Variants in NTNG1 observed in about 807,000 individuals in gnomAD.
NTNG1 encodes the protein netrin-G1.
Under a neutral mutation model 54.0 loss-of-function variants are expected in NTNG1, and 16 were observed. The ratio of observed to expected loss-of-function variants is 0.30; its 90% CI spans 0.20 to 0.45. The LOEUF (loss-of-function observed/expected upper bound fraction) is 0.45, where lower values mean the gene tolerates loss of function less well. Ranked by LOEUF, NTNG1 falls within the 20% of genes least tolerant of loss-of-function variation. The pLI is 1.00. For missense variants in NTNG1, 530 were observed against 678.7 expected (o/e 0.78, Z 2.43); for synonymous variants, 255 against 263.1 (o/e 0.97, Z 0.30).
intron 2 of NTNG1, among the ~76,000 whole-genome samples, chr1:107,297,088 C>A (rs1444841643): frequency 4.7e-5 from 2 of 42,294 alleles, no homozygotes; most frequent in Non-Finnish European, 5.8e-5. Context: ...CAGATGAGGA[C>A]ACACACACAC....
At chr1:107,381,339 C>G (rs139862121) in intron 3 of NTNG1, among the ~76,000 whole-genome samples, 1 of 87,402 alleles carries the variant, frequency 1.1e-5, no homozygotes, top group Non-Finnish European at 2.0e-5. Context: ...TAGCACCTTT[C>G]TCTTTAACTA....
chr1:107,388,974 C>T (rs1157429596), intron 3 of NTNG1, among the ~76,000 whole-genome samples: 1 of 152,188 alleles, frequency 6.6e-6, no homozygotes, highest in Non-Finnish European at 1.5e-5. Flanking sequence ...AGTGCCAATC[C>T]AAGGGAAGAG....
At chr1:107,157,372 G>C (rs1278450819) in intron 2 of NTNG1, among the ~76,000 whole-genome samples, 5 of 152,016 alleles carry the variant, frequency 3.3e-5, no homozygotes, top group Non-Finnish European at 5.9e-5. Context: ...TTCTTGATTG[G>C]TGTTGTCAAA....
chr1:107,152,271 A>G (rs1489960958), intron 2 of NTNG1, among the ~76,000 whole-genome samples: 1 of 152,110 alleles, frequency 6.6e-6, no homozygotes, highest in Non-Finnish European at 1.5e-5. Flanking sequence ...AATAGATCCT[A>G]TCTTTTCAGC....
chr1:107,281,279 A>C (rs991874439), intron 2 of NTNG1, among the ~76,000 whole-genome samples: 8 of 152,174 alleles, frequency 5.3e-5, no homozygotes, highest in African/African-American at 1.9e-4. Flanking sequence ...GAGTGAGGAC[A>C]TGAATGACCA....
intron 2 of NTNG1, among the ~76,000 whole-genome samples, chr1:107,198,435 T>A (rs978471691): frequency 1.3e-5 from 2 of 151,982 alleles, no homozygotes; most frequent in African/African-American, 2.4e-5. Context: ...AAAAACTGTA[T>A]CCTTATCTCC....
intron 2 of NTNG1, among the ~76,000 whole-genome samples, chr1:107,155,317 G>A (rs530169792): frequency 1.3e-4 from 20 of 151,940 alleles, no homozygotes; most frequent in African/African-American, 4.6e-4. Flanking sequence ...GGCATAGTCC[G>A]TGCTCTTCTC....
intron 2 of NTNG1, among the ~76,000 whole-genome samples, chr1:107,266,404 T>A (rs573636965): frequency 6.6e-6 from 1 of 152,122 alleles, no homozygotes; most frequent in African/African-American, 2.4e-5. Flanking sequence ...GATTCAGGCA[T>A]GTCTTACATG....
intron 6 of NTNG1, among the ~76,000 whole-genome samples, chr1:107,431,205 A>G (rs1675244005): frequency 6.6e-6 from 1 of 152,092 alleles, no homozygotes; most frequent in Admixed American, 6.6e-5. Flanking sequence ...CTTTTGTATG[A>G]AATTGTAAAA....
intron 2 of NTNG1, among the ~76,000 whole-genome samples, chr1:107,196,179 C>T (rs1004152361): frequency 4.6e-5 from 7 of 151,860 alleles, no homozygotes; most frequent in Non-Finnish European, 8.8e-5. Context: ...ACGTAGCAGT[C>T]ACTGACTCTT....
At chr1:107,253,991 G>A (rs1662774761) in intron 2 of NTNG1, among the ~76,000 whole-genome samples, 2 of 152,310 alleles carry the variant, frequency 1.3e-5, no homozygotes, top group African/African-American at 4.8e-5. Flanking sequence ...TGTTTGTGTA[G>A]TATGTTCGTT....
intron 3 of NTNG1, among the ~76,000 whole-genome samples, chr1:107,391,326 AT>A (rs1253166730): frequency 2.0e-5 from 3 of 152,292 alleles, no homozygotes; most frequent in African/African-American, 7.2e-5. Context: ...GTGTAAAAAA[AT>A]ATTTGGACTA....
chr1:107,305,696 T>C (rs1294990093), intron 2 of NTNG1, among the ~76,000 whole-genome samples: 1 of 152,172 alleles, frequency 6.6e-6, no homozygotes, highest in Non-Finnish European at 1.5e-5. Flanking sequence ...AGGTTGCCTG[T>C]TCACTCTGAT....
chr1:107,140,424 T>C (rs1273757147), upstream of NTNG1, among the ~76,000 whole-genome samples: 1 of 151,870 alleles, frequency 6.6e-6, no homozygotes, highest in East Asian at 1.9e-4. Context: ...CGGGAGCCGC[T>C]GGTGGGGGCG....
rs1325295579 is a variant in NTNG1, at chr1:107,438,132, A to G, written c.1390+1333A>G. Among the ~76,000 whole-genome samples, 3 of 152,144 alleles carry G rather than the reference A, an allele frequency of 2.0e-5. No homozygotes were observed. The South Asian group carries it at 6.2e-4, about 32-fold the overall frequency. On this transcript the variant is annotated intron_variant, in intron 7 of 7. Coordinates refer to ENST00000370068, the MANE Select transcript of NTNG1 (RefSeq NM_001113226.3). Reference sequence around the variant, plus strand: ...ATGTTCTATCTGTTACTTATGGAATACATAGTTATCTGGCAGCCACACTTC... The same window carrying G: ...ATGTTCTATCTGTTACTTATGGAATGCATAGTTATCTGGCAGCCACACTTC...
intron 7 of NTNG1, among the ~76,000 whole-genome samples, chr1:107,454,274 T>A (rs560654024): frequency 2.0e-5 from 3 of 152,314 alleles, no homozygotes; most frequent in Admixed American, 2.0e-4. Flanking sequence ...CAAATGTTTG[T>A]TCACTGCCCT....
rs556173709 is a variant in NTNG1, at chr1:107,483,606, T to C, written c.*2766T>C. ...CTTACAAAGCTGGTTTCATCTACAATGTTGTGCCCTAAGAACAGGACTGGG... is the reference window on the plus strand; with the variant it reads ...CTTACAAAGCTGGTTTCATCTACAACGTTGTGCCCTAAGAACAGGACTGGG... On this transcript the variant is annotated 3_prime_UTR_variant, in exon 8 of 8. Transcript: ENST00000370068. The C allele has an allele frequency of 2.0e-5, 3 of 152,324 alleles. No individual in the cohort carries two copies. Among genetic ancestry groups the C allele is most frequent in the African/African-American group, 7.2e-5 (3 of 41,584 alleles). The allele number at this position is 152,324 out of a possible 1,614,324, so 9.4% of individuals were successfully genotyped here. A position where few individuals can be genotyped will look rare whatever the true frequency, so the allele number is the denominator to read the frequency against.
At chr1:107,211,186 A>G (rs1373088620) in intron 2 of NTNG1, among the ~76,000 whole-genome samples, 6 of 152,158 alleles carry the variant, frequency 3.9e-5, no homozygotes, top group Non-Finnish European at 5.9e-5. Context: ...GAAGCATCAT[A>G]TAAGTCAGTT....
intron 5 of NTNG1, chr1:107,410,381 A>T (rs939353133): frequency 4.6e-5 from 7 of 152,154 alleles, no homozygotes; most frequent in Admixed American, 3.9e-4. Context: ...CTTTCCGATC[A>T]TCTGCTAAAA....
Sources: allele counts gnomAD v4.1 joint callset (sites outside exome capture counted in the v4.1 genomes callset), GRCh38; gene constraint gnomAD v4.1.1; transcripts MANE v1.5; gene names NCBI Gene and HGNC (gene_info 2026-07-23, HGNC 2026-07-21).